Variants in PPP6R3 observed in about 807,000 individuals in gnomAD.
PPP6R3 encodes the protein protein phosphatase 6 regulatory subunit 3.
Under a neutral mutation model 110.7 loss-of-function variants are expected in PPP6R3, and 38 were observed. That is an observed-to-expected ratio of 0.34 (90% CI 0.26 to 0.45). The LOEUF is 0.45. Ranked by LOEUF, PPP6R3 falls within the 20% of genes least tolerant of loss-of-function variation. PPP6R3 has a pLI of 1.00. For synonymous variants in PPP6R3, 369 were observed against 373.5 expected (o/e 0.99, Z 0.14); for missense variants, 870 against 1,062.4 (o/e 0.82, Z 2.52).
rs1360369354 is a variant in PPP6R3 at position 68,474,647 on chromosome 11, T to C, written c.-158+13820T>C. ...TATGTAAAAGGGAATTATCTGTTCC[T>C]TGAAGGTTTGGTAAGCCTTGCTGGT... On this transcript the variant is annotated intron_variant, in intron 1 of 23. Transcript: ENST00000393800. Among the ~76,000 whole-genome samples the C allele has an allele frequency of 3.3e-5, 5 of 152,370 alleles. No individual in the cohort carries two copies. The East Asian group carries it at 9.6e-4, about 29-fold the overall frequency.
chr11:68,575,412 A>C (rs974971211), intron 13 of PPP6R3, among the ~76,000 whole-genome samples: 1 of 152,224 alleles, frequency 6.6e-6, no homozygotes, highest in African/African-American at 2.4e-5. Context: ...CATGACACAA[A>C]TATTTAGGAA....
rs1260429320 is a variant in PPP6R3 at position 68,614,518 on chromosome 11, A to AT, written c.*1408dup. Reference sequence around the variant, plus strand: ...AGGATATTCTGAAAAATGGCCAACAATTTTTTTAGAAGTAGCATCCCAAGC... The same window carrying AT: ...AGGATATTCTGAAAAATGGCCAACAATTTTTTTTAGAAGTAGCATCCCAAGC... On this transcript the variant is annotated 3_prime_UTR_variant, in exon 24 of 24. Coordinates refer to ENST00000393800, the MANE Select transcript of PPP6R3 (RefSeq NM_001164161.2). The AT allele has an allele frequency of 4.9e-6, 7 of 1,428,120 alleles. No homozygotes were observed. Among genetic ancestry groups the AT allele is most frequent in the Non-Finnish European group, 5.5e-6 (6 of 1,093,694 alleles). The allele number at this position is 1,428,120 out of a possible 1,614,324, so 88.5% of individuals were successfully genotyped here. A position where few individuals can be genotyped will look rare whatever the true frequency, so the allele number is the denominator to read the frequency against.
intron 1 of PPP6R3, among the ~76,000 whole-genome samples, chr11:68,485,918 T>G (rs1212622110): frequency 6.6e-6 from 1 of 151,550 alleles, no homozygotes; most frequent in Non-Finnish European, 1.5e-5. Context: ...ACCTGTAATC[T>G]CAACACTTTG....
chr11:68,588,749 C>T (rs1163805554), intron 16 of PPP6R3, among the ~76,000 whole-genome samples: 1 of 141,256 alleles, frequency 7.1e-6, no homozygotes, highest in Non-Finnish European at 1.6e-5. Context: ...CTGGCCAAGA[C>T]TCGGTCTTTA....
At chr11:68,509,906 C>T (rs2099099892) in intron 1 of PPP6R3, among the ~76,000 whole-genome samples, 1 of 151,176 alleles carries the variant, frequency 6.6e-6, no homozygotes, top group African/African-American at 2.4e-5. Context: ...CCTGCCACCA[C>T]ACTCGGCAAA....
chr11:68,589,000 G>T (rs2099587512), intron 16 of PPP6R3, among the ~76,000 whole-genome samples: 1 of 151,756 alleles, frequency 6.6e-6, no homozygotes, highest in Non-Finnish European at 1.5e-5. Flanking sequence ...TGAGGTTAGG[G>T]GTTCGAGACC....
At chr11:68,514,045 G>A (rs868671458) in intron 1 of PPP6R3, among the ~76,000 whole-genome samples, 2 of 152,182 alleles carry the variant, frequency 1.3e-5, no homozygotes, top group Non-Finnish European at 2.9e-5. Context: ...ACCACCCGTA[G>A]TTATACGCAT....
intron 11 of PPP6R3, among the ~76,000 whole-genome samples, 173 bp from the exon 12 acceptor site, chr11:68,570,867 C>T (rs868363041): frequency 2.0e-5 from 3 of 152,086 alleles, no homozygotes; most frequent in Admixed American, 6.5e-5. Context: ...ATTTGAATCT[C>T]TGTAGTGTTG....
chr11:68,475,875 G>T (rs528707151), intron 1 of PPP6R3, among the ~76,000 whole-genome samples: 58 of 151,928 alleles, frequency 3.8e-4, no homozygotes, highest in African/African-American at 1.4e-3. Flanking sequence ...TCGCGGACGG[G>T]CAGAGGCGCT....
intron 22 of PPP6R3, chr11:68,609,537 C>A: frequency 6.7e-7 from 1 of 1,496,986 alleles, no homozygotes; most frequent in Non-Finnish European, 9.1e-7. Flanking sequence ...TATTATTCCC[C>A]CAAATTCCTC....
intron 18 of PPP6R3, among the ~76,000 whole-genome samples, chr11:68,592,147 C>T (rs1271336704): frequency 6.6e-6 from 1 of 151,908 alleles, no homozygotes; most frequent in Non-Finnish European, 1.5e-5. Context: ...CTGGGTCAAT[C>T]CAGTCCTTTT....
chr11:68,476,884 G>C (rs536299645), intron 1 of PPP6R3, among the ~76,000 whole-genome samples: 2 of 151,432 alleles, frequency 1.3e-5, no homozygotes, highest in Non-Finnish European at 2.9e-5. Context: ...TATTTAGCTG[G>C]GCGTGGTGGT....
chr11:68,582,942 C>T (rs1301431754), intron 14 of PPP6R3, 101 bp from the exon 15 acceptor site: 4 of 913,716 alleles, frequency 4.4e-6, no homozygotes, highest in African/African-American at 1.7e-5. Context: ...TTCTGTTACA[C>T]GTTGAGAAAA....
intron 1 of PPP6R3, among the ~76,000 whole-genome samples, chr11:68,492,444 T>C (rs2098990025): frequency 1.3e-5 from 2 of 152,244 alleles, no homozygotes; most frequent in South Asian, 4.1e-4. Context: ...CCACTGCGCC[T>C]GACTAGAATT....
chr11:68,550,458 A>G (rs1388600451), intron 5 of PPP6R3, among the ~76,000 whole-genome samples: 4 of 152,182 alleles, frequency 2.6e-5, no homozygotes, highest in Non-Finnish European at 5.9e-5. Flanking sequence ...TATGGCATTA[A>G]TGTTAAGCCA....
At chr11:68,600,320 G>C in intron 19 of PPP6R3, 21 bp from the exon 20 acceptor site, 2 of 1,609,150 alleles carry the variant, frequency 1.2e-6, no homozygotes, top group Non-Finnish European at 1.7e-6. Context: ...TTTCCAAATA[G>C]AATTTCTCCC....
At chr11:68,487,260 G>A (rs2098953482) in intron 1 of PPP6R3, among the ~76,000 whole-genome samples, 1 of 152,082 alleles carries the variant, frequency 6.6e-6, no homozygotes. Context: ...TTGATAAATT[G>A]TATTTTTCAA....
intron 22 of PPP6R3, among the ~76,000 whole-genome samples, chr11:68,606,064 G>A (rs1190661953): frequency 6.6e-6 from 1 of 152,164 alleles, no homozygotes; most frequent in Admixed American, 6.5e-5. Context: ...TTTGCTGACT[G>A]GATCCAACAG....
intron 10 of PPP6R3, 53 bp downstream of exon 10, chr11:68,567,219 A>G: frequency 6.8e-7 from 1 of 1,463,072 alleles, no homozygotes; most frequent in Non-Finnish European, 9.2e-7. Context: ...TATTTCATGG[A>G]TATTTAACCA....
Sources: allele counts gnomAD v4.1 joint callset (sites outside exome capture counted in the v4.1 genomes callset), GRCh38; gene constraint gnomAD v4.1.1; transcripts MANE v1.5; gene names NCBI Gene and HGNC (gene_info 2026-07-23, HGNC 2026-07-21).